C4BPA: variants seen among roughly 807,000 people sequenced by gnomAD.
C4BPA encodes the protein complement component 4 binding protein alpha.
A neutral mutation model predicts 63.7 loss-of-function variants in C4BPA; 31 were observed. The observed-to-expected ratio is 0.49, with a 90% CI of 0.37 to 0.66. The LOEUF (loss-of-function observed/expected upper bound fraction) is 0.66, where lower values mean the gene tolerates loss of function less well. C4BPA is among the 30% of genes least tolerant of loss of function. The probability of loss-of-function intolerance (pLI) is 0.00; values close to 1 mark genes in which losing one functional copy is unlikely to be tolerated. For missense variants in C4BPA, 572 were observed against 723.3 expected (o/e 0.79, Z 2.40); for synonymous variants, 259 against 254.7 (o/e 1.02, Z -0.16).
rs1685475708 is a variant in C4BPA at position 207,143,921 on chromosome 1, T to A, written c.1548T>A (p.Gly516=). ...NVTIQCDSGY[G]VVGPQSITCS... is the part of the protein sequence containing the mutation. ...CCATCCAATGTGATTCTGGCTATGG[T>A]GTGGTTGGTCCCCAAAGTATCACTT... The change falls in exon 11 of 12, where the codon GGT becomes GGA. Residue 516 remains glycine (G), a synonymous_variant. Coordinates refer to ENST00000367070, the MANE Select transcript of C4BPA (RefSeq NM_000715.4). 6.2e-7 allele frequency: 1 copy of A among 1,612,454 alleles called. No homozygotes were observed. The highest frequency in any genetic ancestry group is 1.7e-5 in the Admixed American group (1 of 59,794).
At chr1:207,135,589 T>C (rs947244698) in intron 9 of C4BPA, among the ~76,000 whole-genome samples, 1 of 152,184 alleles carries the variant, frequency 6.6e-6, no homozygotes, top group African/African-American at 2.4e-5. Flanking sequence ...ATTTCCCAAG[T>C]AGGTCACTTA....
In C4BPA at chr1:207,119,609, C is replaced by T. The variant is rs1426682514; in HGVS notation, c.428+4094C>T. Among the ~76,000 whole-genome samples, 5 of 92,622 alleles carry T rather than the reference C, an allele frequency of 5.4e-5. 2 individuals are homozygous for T. The highest frequency in any genetic ancestry group is 1.3e-4 in the Non-Finnish European group (5 of 37,358). The allele number at this position is 92,622 out of a possible 152,430, so 60.8% of individuals were successfully genotyped here. ...CACCCAAAAACATGGAAATTCTTTT[C>T]CTAAAAGAGAATTCCCTTTGAGCTG... On this transcript the variant is annotated intron_variant, in intron 4 of 11. Coordinates refer to ENST00000367070, the MANE Select transcript of C4BPA (RefSeq NM_000715.4).
Position 207,141,197 on chromosome 1 carries a change from T to C in C4BPA, c.1365T>C (p.Asp455=). The stretch of plus-strand genomic sequence containing the variant: ...AAGAAGAGATTATATATGAATGTGA[T>C]AAAGGCTACATTCTGGTCGGACAGG... ...FFKEEIIYEC[D]KGYILVGQAK... Residue 455 remains aspartate (D), a synonymous_variant, in exon 10 of 12, where the codon GAT becomes GAC. Transcript: ENST00000367070. 1 of 1,613,372 alleles carries C rather than the reference T, an allele frequency of 6.2e-7. No homozygotes were observed. The highest frequency in any genetic ancestry group is 1.1e-5 in the South Asian group (1 of 91,056).
chr1:207,140,978 G>C (rs1026416311), intron 9 of C4BPA, 128 bp from the exon 10 acceptor site: 1 of 646,064 alleles, frequency 1.5e-6, no homozygotes, highest in African/African-American at 1.8e-5. Context: ...GTTTGGCTAC[G>C]TGCTCTTACA....
rs536744085 is a variant in C4BPA, at chr1:207,138,936, G to C, written c.1274-2170G>C. Among the ~76,000 whole-genome samples the C allele has an allele frequency of 5.9e-5, 9 of 152,126 alleles. 1 individual carries two copies. The South Asian group carries it at 1.9e-3, about 32-fold the overall frequency. ...TTTTTTATTGTATTTTTTTACTTTG[G>C]AGCATCATCATGCTAATACCTCTTG... On this transcript the variant is annotated intron_variant, in intron 9 of 11. Coordinates refer to ENST00000367070, the MANE Select transcript of C4BPA (RefSeq NM_000715.4).
rs1054184973 is a variant in C4BPA, at chr1:207,114,080, C to T, written c.143-20C>T. 18 of 1,604,524 alleles carry T rather than the reference C, an allele frequency of 1.1e-5. No homozygotes were observed. The highest frequency in any genetic ancestry group is 1.0e-4 in the Admixed American group (6 of 58,958). ...TCCCAAGGTATAAGTTTTGGTGCTC[C>T]TTCTCATTTTGGTGTCCAGGCAATT... On this transcript the variant is annotated intron_variant, in intron 2 of 11. Transcript: ENST00000367070.
At chr1:207,115,867 T>C (rs1410993240) in intron 4 of C4BPA, among the ~76,000 whole-genome samples, 1 of 152,212 alleles carries the variant, frequency 6.6e-6, no homozygotes, top group South Asian at 2.1e-4. Flanking sequence ...AGTTTCCTCA[T>C]TAATTTCTTT....
chr1:207,124,843 A>G (rs576608924), intron 6 of C4BPA, among the ~76,000 whole-genome samples: 2 of 152,368 alleles, frequency 1.3e-5, no homozygotes, highest in Admixed American at 6.5e-5. Context: ...AAGCAACCAC[A>G]TATCACTTTC....
intron 1 of C4BPA, among the ~76,000 whole-genome samples, chr1:207,109,611 T>C (rs940581028): frequency 1.3e-5 from 2 of 152,190 alleles, no homozygotes; most frequent in African/African-American, 4.8e-5. Context: ...GGCCACACTG[T>C]CCTCCTCTGT....
At chr1:207,113,306 T>G in intron 2 of C4BPA, 139 bp downstream of exon 2, 2 of 915,940 alleles carry the variant, frequency 2.2e-6, no homozygotes, top group Non-Finnish European at 1.7e-6. Flanking sequence ...TTTGACAGGC[T>G]AGAACTTAGG....
intron 11 of C4BPA, among the ~76,000 whole-genome samples, 172 bp downstream of exon 11, chr1:207,144,165 G>A (rs1480493688): frequency 2.0e-5 from 3 of 152,072 alleles, no homozygotes; most frequent in African/African-American, 7.2e-5. Context: ...GTAAGTTAGG[G>A]GTGGCAAGTT....
At chr1:207,132,463 G>C (rs1685181874) in intron 8 of C4BPA, among the ~76,000 whole-genome samples, 1 of 152,048 alleles carries the variant, frequency 6.6e-6, no homozygotes, top group Non-Finnish European at 1.5e-5. Context: ...AAGAATACAG[G>C]GAATTTTATG....
Position 207,127,298 on chromosome 1 carries a change from A to G in C4BPA, c.889+403A>G, listed in dbSNP as rs530148241. On this transcript the variant is annotated intron_variant, in intron 7 of 11. Coordinates refer to ENST00000367070, the MANE Select transcript of C4BPA (RefSeq NM_000715.4). ...TGTCCTGAGGAAAAATGCCTTTTAT[A>G]ACTTGTACAAAAGTATTGTGTGAAC... 2.0e-5 allele frequency: 3 copies of G among 152,890 alleles called. No individual in the cohort carries two copies. In the Admixed American group the frequency reaches 2.0e-4, roughly 10 times the overall value. The allele number at this position is 152,890 out of a possible 1,614,324, so 9.5% of individuals were successfully genotyped here.
chr1:207,106,588 C>A (rs1232900260), intron 1 of C4BPA, among the ~76,000 whole-genome samples: 1 of 150,014 alleles, frequency 6.7e-6, no homozygotes, highest in Non-Finnish European at 1.5e-5. Context: ...ACTACAGGCG[C>A]CCGCCACCAC....
rs761354473 is a variant in C4BPA at position 207,114,242 on chromosome 1, C to T, written c.285C>T (p.Thr95=). Reference sequence around the variant, plus strand: ...GATCCCATTCAACTCAGACGCTTACCTGTAATTCTGATGGCGAATGGGTGT... The same window carrying T: ...GATCCCATTCAACTCAGACGCTTACTTGTAATTCTGATGGCGAATGGGTGT... ...YVRSHSTQTL[T]CNSDGEWVYN... is the part of the protein sequence containing the mutation. Residue 95 remains threonine, a synonymous_variant, in exon 3 of 12, where the codon ACC becomes ACT. Transcript: ENST00000367070. 8.7e-6 allele frequency: 14 copies of T among 1,613,414 alleles called. No individual in the cohort carries two copies. In the East Asian group the frequency reaches 2.7e-4, roughly 31 times the overall value.
At chr1:207,141,388 T>TATTTAA in intron 10 of C4BPA, 112 bp downstream of exon 10, 1 of 779,750 alleles carries the variant, frequency 1.3e-6, no homozygotes, top group Non-Finnish European at 2.0e-6. Flanking sequence ...TTGATTTGAT[T>TATTTAA]TATATTAAAT....
At chr1:207,127,863 T>C (rs1162534080) in intron 7 of C4BPA, among the ~76,000 whole-genome samples, 1 of 152,194 alleles carries the variant, frequency 6.6e-6, no homozygotes, top group Non-Finnish European at 1.5e-5. Context: ...ATCCCACAAG[T>C]GGCAATTCCC....
intron 9 of C4BPA, 107 bp downstream of exon 9, chr1:207,134,699 A>C: frequency 1.4e-6 from 1 of 735,016 alleles, no homozygotes; most frequent in Admixed American, 2.9e-5. Flanking sequence ...TATACCTTGC[A>C]TGATTCTTGG....
In C4BPA at chr1:207,115,459, A is replaced by T. The variant is rs749846752; in HGVS notation, c.372A>T (p.Val124=). ...CAGGAGAGTTACGTAATGGGCAAGT[A>T]GAGATTAAGACAGATTTATCTTTTG... ...RHPGELRNGQ[V]EIKTDLSFGS... Residue 124 remains valine (V), a synonymous_variant, in exon 4 of 12, where the codon GTA becomes GTT. Transcript: ENST00000367070. 4 of 1,600,574 alleles carry T rather than the reference A, an allele frequency of 2.5e-6. No individual in the cohort carries two copies. Among genetic ancestry groups the T allele is most frequent in the Non-Finnish European group, 3.4e-6 (4 of 1,175,556 alleles).
Sources: gnomAD v4.1 joint callset for allele counts (sites outside exome capture counted in the v4.1 genomes callset) on GRCh38, gnomAD v4.1.1 for gene constraint, MANE v1.5 for transcripts, NCBI Gene and HGNC (gene_info 2026-07-23, HGNC 2026-07-21) for gene names.